The following MAPRE2 variants were observed in gnomAD, a reference collection of about 807,000 sequenced individuals.
MAPRE2 encodes microtubule-associated protein RP/EB family member 2.
Under a neutral mutation model 43.2 loss-of-function variants are expected in MAPRE2, and 13 were observed. The observed-to-expected ratio is 0.30, with a 90% CI of 0.20 to 0.48. The LOEUF is 0.48. MAPRE2 is among the 20% of genes least tolerant of loss of function. The pLI is 0.99. For synonymous variants in MAPRE2, 135 were observed against 148.8 expected, an observed-to-expected ratio of 0.91 and a Z score of 0.68; for missense variants, 161 against 400.2, an observed-to-expected ratio of 0.40 and a Z score of 5.10.
intron 2 of MAPRE2, among the ~76,000 whole-genome samples, chr18:35,010,525 T>C (rs1437750992): frequency 6.6e-6 from 1 of 152,248 alleles, no homozygotes; most frequent in Non-Finnish European, 1.5e-5. Flanking sequence ...ATTGAAATAT[T>C]GATTTTCTTT....
chr18:35,041,292 A>T, upstream of MAPRE2: 5 of 1,390,598 alleles, frequency 3.6e-6, no homozygotes, highest in Non-Finnish European at 4.7e-6. Context: ...AGGCGAGGTG[A>T]TGAGTTAGCG....
At chr18:35,015,405 A>G (rs972403621) in intron 2 of MAPRE2, among the ~76,000 whole-genome samples, 2 of 152,126 alleles carry the variant, frequency 1.3e-5, no homozygotes, top group African/African-American at 2.4e-5. Context: ...ACTTATCCTC[A>G]TATGTTCTAC....
At chr18:35,103,285 T>C (rs1908760777) in intron 4 of MAPRE2, among the ~76,000 whole-genome samples, 1 of 152,144 alleles carries the variant, frequency 6.6e-6, no homozygotes, top group Non-Finnish European at 1.5e-5. Context: ...TGAACAACTC[T>C]GGGAGAGTTG....
At chr18:35,131,085 C>G (rs1020623769) in intron 5 of MAPRE2, among the ~76,000 whole-genome samples, 1 of 152,228 alleles carries the variant, frequency 6.6e-6, no homozygotes, top group African/African-American at 2.4e-5. Flanking sequence ...GAAATTGAGA[C>G]AGATCCACTC....
chr18:35,073,541 T>A (rs1049046725), intron 2 of MAPRE2, among the ~76,000 whole-genome samples: 1 of 152,222 alleles, frequency 6.6e-6, no homozygotes, highest in Admixed American at 6.5e-5. Flanking sequence ...GGAAATACTT[T>A]CTCATATTTA....
intron 2 of MAPRE2, among the ~76,000 whole-genome samples, chr18:35,027,881 G>T (rs144160379): frequency 6.6e-6 from 1 of 152,066 alleles, no homozygotes; most frequent in Non-Finnish European, 1.5e-5. Flanking sequence ...CACATATTTG[G>T]AGCCTTGGTA....
chr18:34,979,629 A>G (rs955676129), intron 1 of MAPRE2, among the ~76,000 whole-genome samples: 2 of 152,212 alleles, frequency 1.3e-5, no homozygotes, highest in African/African-American at 4.8e-5. Flanking sequence ...TATTTCAGTT[A>G]TGTGAAGCAG....
chr18:34,985,076 TATTATAAAAA>T (rs2097018815), intron 1 of MAPRE2, among the ~76,000 whole-genome samples: 1 of 87,256 alleles, frequency 1.1e-5, no homozygotes, highest in African/African-American at 5.0e-5. Context: ...AAATAAAATA[TATTATAAAAA>T]TATATATTAT....
intron 2 of MAPRE2, among the ~76,000 whole-genome samples, chr18:35,076,741 T>C (rs1453420626): frequency 6.6e-6 from 1 of 152,196 alleles, no homozygotes; most frequent in Non-Finnish European, 1.5e-5. Context: ...TTGTTATTAC[T>C]CTACTTGTTT....
intron 2 of MAPRE2, among the ~76,000 whole-genome samples, chr18:35,092,272 A>G (rs1603400174): frequency 6.6e-6 from 1 of 152,242 alleles, no homozygotes; most frequent in African/African-American, 2.4e-5. Flanking sequence ...AAATAGATAC[A>G]TAGAACAATC....
intron 2 of MAPRE2, among the ~76,000 whole-genome samples, chr18:35,028,108 G>A (rs1039760252): frequency 2.0e-5 from 3 of 152,216 alleles, no homozygotes; most frequent in Non-Finnish European, 4.4e-5. Context: ...TCATTGTAAG[G>A]TCTAGGTCAA....
At chr18:35,110,425 A>G (rs1909126086) in intron 4 of MAPRE2, among the ~76,000 whole-genome samples, 2 of 152,146 alleles carry the variant, frequency 1.3e-5, no homozygotes, top group African/African-American at 4.8e-5. Context: ...TGTGGCTACT[A>G]GAAAACTTAT....
chr18:35,138,818 G>C (rs546347437), intron 6 of MAPRE2, among the ~76,000 whole-genome samples: 1 of 152,210 alleles, frequency 6.6e-6, no homozygotes, highest in Admixed American at 6.5e-5. Flanking sequence ...AACAGAGCTG[G>C]GATGTGAACT....
At chr18:34,986,440 C>T (rs1394013841) in intron 1 of MAPRE2, among the ~76,000 whole-genome samples, 1 of 152,180 alleles carries the variant, frequency 6.6e-6, no homozygotes, top group Admixed American at 6.5e-5. Flanking sequence ...AGAGACCTTA[C>T]AAGAAAGACC....
At chr18:35,011,344 C>T (rs775196426) in intron 2 of MAPRE2, among the ~76,000 whole-genome samples, 1 of 151,958 alleles carries the variant, frequency 6.6e-6, no homozygotes, top group Non-Finnish European at 1.5e-5. Flanking sequence ...ATTGTTTGGG[C>T]AGAAAGAGTA....
Position 35,055,267 on chromosome 18 carries a change from C to A in MAPRE2, c.122+13606C>A, listed in dbSNP as rs573733393. On this transcript the variant is annotated intron_variant, in intron 1 of 6. Coordinates refer to ENST00000300249, the MANE Select transcript of MAPRE2 (RefSeq NM_014268.4). The stretch of plus-strand genomic sequence containing the variant: ...CTCCCTCCAACAGCTCTGGGAGACC[C>A]TTCCTTGTCTCTTCCCGCTTCTTTT... Among the ~76,000 whole-genome samples the A allele has an allele frequency of 2.0e-5, 3 of 152,256 alleles. No homozygotes were observed. In the South Asian group the frequency reaches 6.2e-4, roughly 32 times the overall value.
intron 2 of MAPRE2, among the ~76,000 whole-genome samples, chr18:35,026,133 A>C (rs959384473): frequency 6.6e-6 from 1 of 152,192 alleles, no homozygotes; most frequent in Non-Finnish European, 1.5e-5. Flanking sequence ...GGTGAGAGGA[A>C]GGAGCGTGTC....
chr18:35,018,239 A>G (rs1172927963), intron 2 of MAPRE2, among the ~76,000 whole-genome samples: 4 of 151,884 alleles, frequency 2.6e-5, no homozygotes, highest in Admixed American at 2.0e-4. Flanking sequence ...TTTTGCATCT[A>G]TGTTTGTTAG....
rs780078696 is a variant in MAPRE2, at chr18:35,097,594, A to G, written c.396+3A>G. On this transcript the variant is annotated splice_donor_region_variant and intron_variant, in intron 3 of 6. Coordinates refer to ENST00000300249, the MANE Select transcript of MAPRE2 (RefSeq NM_014268.4). The stretch of plus-strand genomic sequence containing the variant: ...TTAAGCGAATGAACGTTGATAAGGT[A>G]GGAGACTTGTACCTCCATAAAATGT... 6.2e-7 allele frequency: 1 copy of G among 1,610,116 alleles called. No homozygotes were observed. Among genetic ancestry groups the G allele is most frequent in the South Asian group, 1.1e-5 (1 of 90,694 alleles).
Sources: gnomAD v4.1 joint callset for allele counts (sites outside exome capture counted in the v4.1 genomes callset) on GRCh38, gnomAD v4.1.1 for gene constraint, MANE v1.5 for transcripts, NCBI Gene and HGNC (gene_info 2026-07-23, HGNC 2026-07-21) for gene names.